Variants in CCDC33 observed in about 807,000 individuals in gnomAD.
CCDC33 encodes the protein coiled-coil domain containing 33, also known as coiled-coil domain-containing protein 33.
In CCDC33, 94 loss-of-function variants were observed where a neutral mutation model predicts 91.9. The observed-to-expected ratio is 1.02, with a 90% CI of 0.87 to 1.21. The LOEUF is 1.21. CCDC33 is among the 50% of genes most tolerant of loss of function. CCDC33 has a pLI of 0.00. For synonymous variants in CCDC33, 396 were observed against 374.5 expected (o/e 1.06, Z -0.66); for missense variants, 940 against 935.5 (o/e 1.00, Z -0.06).
At chr15:74,285,976 G>A (rs186327622) in intron 10 of CCDC33, among the ~76,000 whole-genome samples, 1 of 152,288 alleles carries the variant, frequency 6.6e-6, no homozygotes, top group African/African-American at 2.4e-5. Flanking sequence ...GGCTGGGTGC[G>A]GTGGCTCACG....
At chr15:74,305,335 G>C (rs1420317533) in intron 11 of CCDC33, among the ~76,000 whole-genome samples, 1 of 152,216 alleles carries the variant, frequency 6.6e-6, no homozygotes, top group Non-Finnish European at 1.5e-5. Context: ...GACCCAAGAA[G>C]CAACGGCTGT....
intron 2 of CCDC33, among the ~76,000 whole-genome samples, chr15:74,255,249 G>A (rs976994935): frequency 4.2e-4 from 64 of 152,102 alleles, no homozygotes; most frequent in African/African-American, 8.0e-4. Flanking sequence ...GATACTGAGC[G>A]CTGTTATCAG....
At chr15:74,291,135 C>A (rs2059576863) in intron 10 of CCDC33, among the ~76,000 whole-genome samples, 1 of 152,200 alleles carries the variant, frequency 6.6e-6, no homozygotes, top group Non-Finnish European at 1.5e-5. Flanking sequence ...GGAGACAGAC[C>A]CGGAGCTTCA....
chr15:74,209,618 T>C (rs970519664), intron 2 of CCDC33: 1 of 617,628 alleles, frequency 1.6e-6, no homozygotes, highest in African/African-American at 1.8e-5. Flanking sequence ...CAGGCTGGGG[T>C]TCTGGAGTCC....
chr15:74,225,389 GCCC>G, intron 2 of CCDC33, among the ~76,000 whole-genome samples: 1 of 151,814 alleles, frequency 6.6e-6, no homozygotes, highest in East Asian at 1.9e-4. Context: ...AAGCGGATGT[GCCC>G]CCAACTCCTG....
chr15:74,230,318 C>T (rs183175727), intron 2 of CCDC33, among the ~76,000 whole-genome samples: 15 of 152,306 alleles, frequency 9.8e-5, no homozygotes, highest in Non-Finnish European at 1.8e-4. Context: ...GCCTCTCTGC[C>T]CTCTGAGTAG....
At chr15:74,241,142 G>A (rs1015336647) in intron 1 of CCDC33, among the ~76,000 whole-genome samples, 3 of 152,144 alleles carry the variant, frequency 2.0e-5, no homozygotes, top group African/African-American at 7.2e-5. Context: ...GAGAAGGAGG[G>A]GCAACCCTCA....
At chr15:74,239,117 G>A (rs2075268527) in intron 1 of CCDC33, among the ~76,000 whole-genome samples, 1 of 152,218 alleles carries the variant, frequency 6.6e-6, no homozygotes, top group African/African-American at 2.4e-5. Flanking sequence ...GATCCGGGCA[G>A]CCAGGCACCC....
chr15:74,216,518 A>G (rs1490017641), upstream of CCDC33, among the ~76,000 whole-genome samples: 4 of 103,612 alleles, frequency 3.9e-5, no homozygotes, highest in Non-Finnish European at 5.7e-5. Context: ...TGGGACCTGT[A>G]GCTGGGCTGG....
chr15:74,206,679 G>A (rs1337989762), intron 1 of CCDC33, among the ~76,000 whole-genome samples: 1 of 152,230 alleles, frequency 6.6e-6, no homozygotes, highest in African/African-American at 2.4e-5. Context: ...AGTCTTGCAG[G>A]CTCCCTGGAG....
At chr15:74,215,511 G>A (rs2074417303), upstream of CCDC33, among the ~76,000 whole-genome samples, 1 of 151,854 alleles carries the variant, frequency 6.6e-6, no homozygotes, top group Admixed American at 6.6e-5. Flanking sequence ...TGGTTAGGAT[G>A]GTACATTTTA....
At chr15:74,323,125 A>C (rs1413365592) in intron 11 of CCDC33, among the ~76,000 whole-genome samples, 1 of 151,856 alleles carries the variant, frequency 6.6e-6, no homozygotes, top group Non-Finnish European at 1.5e-5. Context: ...CTGTTTTCCT[A>C]GCTACCTTTG....
intron 2 of CCDC33, among the ~76,000 whole-genome samples, chr15:74,252,898 C>T (rs192310025): frequency 6.6e-6 from 1 of 152,178 alleles, no homozygotes; most frequent in Non-Finnish European, 1.5e-5. Flanking sequence ...TTCCCTTTGT[C>T]CCAGGGTTAT....
upstream of CCDC33, among the ~76,000 whole-genome samples, chr15:74,215,013 A>G (rs2074403127): frequency 6.6e-6 from 1 of 152,240 alleles, no homozygotes; most frequent in South Asian, 2.1e-4. Context: ...AGGGCAATGA[A>G]TGATGACTTG....
At chr15:74,208,042 A>G in intron 1 of CCDC33, 1 of 1,339,738 alleles carries the variant, frequency 7.5e-7, no homozygotes, top group African/African-American at 1.5e-5. Flanking sequence ...CACCAACAGC[A>G]TCATCATAAC....
chr15:74,333,996 T>C (rs1296004061), intron 17 of CCDC33, 29 bp downstream of exon 17: 1 of 1,588,804 alleles, frequency 6.3e-7, no homozygotes, highest in Non-Finnish European at 8.6e-7. Flanking sequence ...TTGATGAGGC[T>C]GGATCAGGCT....
At chr15:74,209,981 G>A (rs1020397702) in intron 2 of CCDC33, among the ~76,000 whole-genome samples, 12 of 152,162 alleles carry the variant, frequency 7.9e-5, no homozygotes, top group Non-Finnish European at 1.8e-4. Context: ...GGCTTCCAAT[G>A]ATAGTAAAAG....
rs74391932 is a variant in CCDC33, at chr15:74,218,130, G to A, written c.311-367G>A. On this transcript the variant is annotated intron_variant, in intron 1 of 2. Transcript: ENST00000635913. The surrounding 1 kb of genome is among the most constrained non-coding windows in gnomAD (Gnocchi z 4.8). The stretch of plus-strand genomic sequence containing the variant: ...CCACCCTGGCAGGCTGCCTGGAGGA[G>A]GAGGGATGTGAGGGAACAGGGAAAC... Among the ~76,000 whole-genome samples, 142 of 152,276 alleles carry A rather than the reference G, an allele frequency of 9.3e-4. No individual in the cohort carries two copies. Among genetic ancestry groups the A allele is most frequent in the African/African-American group, 3.4e-3 (140 of 41,556 alleles).
At chr15:74,252,669 G>A (rs570180042) in intron 2 of CCDC33, among the ~76,000 whole-genome samples, 102 of 152,308 alleles carry the variant, frequency 6.7e-4, no homozygotes, top group Admixed American at 1.3e-4. Context: ...CCATCTGGCC[G>A]CTGGCTCCTA....
Sources: allele counts gnomAD v4.1 joint callset (sites outside exome capture counted in the v4.1 genomes callset), GRCh38; gene constraint gnomAD v4.1.1; non-coding constraint Gnocchi (gnomAD v3.1); transcripts MANE v1.5; gene names NCBI Gene and HGNC (gene_info 2026-07-23, HGNC 2026-07-21).